CD247: variants seen among roughly 807,000 people sequenced by gnomAD.
The protein encoded by CD247 is CD247 molecule, also known as T-cell surface glycoprotein CD3 zeta chain.
A neutral mutation model predicts 30.0 loss-of-function variants in CD247; 13 were observed. The ratio of observed to expected loss-of-function variants is 0.43; its 90% CI spans 0.28 to 0.69. The LOEUF is 0.69. CD247 is among the 30% of genes least tolerant of loss of function. CD247 has a pLI of 0.16. For synonymous variants in CD247, 72 were observed against 80.0 expected (o/e 0.90, Z 0.53); for missense variants, 193 against 212.6 (o/e 0.91, Z 0.57).
At chr1:167,453,734 G>A (rs1435273763) in intron 1 of CD247, among the ~76,000 whole-genome samples, 1 of 152,224 alleles carries the variant, frequency 6.6e-6, no homozygotes. Context: ...TTGGGAGGCT[G>A]AAGCTGGAGG....
chr1:167,505,650 TAAC>T (rs1655084598), intron 1 of CD247, among the ~76,000 whole-genome samples: 1 of 152,222 alleles, frequency 6.6e-6, no homozygotes. Context: ...GCAAAAAATC[TAAC>T]AACAATGGCC....
At chr1:167,517,842 C>T (rs1335143513) in intron 1 of CD247, among the ~76,000 whole-genome samples, 2 of 152,180 alleles carry the variant, frequency 1.3e-5, no homozygotes, top group African/African-American at 2.4e-5. Context: ...GGCTGCCACC[C>T]GGTGCTTCCT....
At chr1:167,502,004 G>T (rs1654929538) in intron 1 of CD247, among the ~76,000 whole-genome samples, 1 of 152,222 alleles carries the variant, frequency 6.6e-6, no homozygotes, top group Admixed American at 6.5e-5. Context: ...CTCCCGAGAT[G>T]GGAGGCACCC....
At chr1:167,444,913 G>A (rs1386940230) in intron 1 of CD247, among the ~76,000 whole-genome samples, 1 of 151,976 alleles carries the variant, frequency 6.6e-6, no homozygotes, top group Admixed American at 6.6e-5. Context: ...AGATGGTGGT[G>A]AGGGTTAAAT....
intron 1 of CD247, among the ~76,000 whole-genome samples, chr1:167,497,634 G>A: frequency 6.6e-6 from 1 of 152,120 alleles, no homozygotes; most frequent in East Asian, 1.9e-4. Context: ...TAAGATATAG[G>A]ATGAGGATGC....
At chr1:167,433,303 A>T (rs1456781996) in intron 6 of CD247, among the ~76,000 whole-genome samples, 1 of 152,198 alleles carries the variant, frequency 6.6e-6, no homozygotes, top group Non-Finnish European at 1.5e-5. Context: ...ATCCTCACAG[A>T]CATCAGATTC....
chr1:167,463,733 T>C (rs1298116009), intron 1 of CD247, among the ~76,000 whole-genome samples: 2 of 152,218 alleles, frequency 1.3e-5, no homozygotes, highest in Non-Finnish European at 2.9e-5. Flanking sequence ...TAGAATTTGA[T>C]CTGGATCTAC....
intron 6 of CD247, 119 bp downstream of exon 6, chr1:167,433,901 G>T: frequency 1.1e-6 from 1 of 940,142 alleles, no homozygotes; most frequent in Non-Finnish European, 1.8e-6. Flanking sequence ...CACCTCTGAT[G>T]GCCACCACAT....
At chr1:167,439,274 G>T in intron 3 of CD247, 70 bp downstream of exon 3, 1 of 1,398,516 alleles carries the variant, frequency 7.2e-7, no homozygotes, top group Non-Finnish European at 1.0e-6. Context: ...GACTCTGGCG[G>T]GCGCGTTCCC....
rs142598955 is a variant in CD247 at position 167,443,771 on chromosome 1, C to T, written c.59-3004G>A. Among the ~76,000 whole-genome samples the T allele has an allele frequency of 6.3e-3, 957 of 152,118 alleles. 13 individuals are homozygous for T. Among genetic ancestry groups the T allele is most frequent in the African/African-American group, 0.022 (903 of 41,484 alleles). ...CCTTTCTTTCTGCATAGTTTTATGACTGATGACAAGTGTGCTGTGTGTGGT... is the reference window on the plus strand; with the variant it reads ...CCTTTCTTTCTGCATAGTTTTATGATTGATGACAAGTGTGCTGTGTGTGGT... On this transcript the variant is annotated intron_variant, in intron 1 of 7. Coordinates refer to ENST00000362089, the MANE Select transcript of CD247 (RefSeq NM_198053.3).
chr1:167,445,215 C>T (rs1030984184), intron 1 of CD247, among the ~76,000 whole-genome samples: 1 of 152,148 alleles, frequency 6.6e-6, no homozygotes, highest in Admixed American at 6.5e-5. Context: ...CATGAGCCAC[C>T]GTGCCTGGCC....
intron 1 of CD247, among the ~76,000 whole-genome samples, chr1:167,452,887 A>T (rs1181344610): frequency 1.3e-5 from 2 of 152,008 alleles, no homozygotes; most frequent in East Asian, 1.9e-4. Context: ...AGAGTGTAAG[A>T]TACACACACA....
At chr1:167,485,690 T>C (rs1445526536) in intron 1 of CD247, among the ~76,000 whole-genome samples, 1 of 151,954 alleles carries the variant, frequency 6.6e-6, no homozygotes, top group African/African-American at 2.4e-5. Flanking sequence ...GCCAGGGCAG[T>C]TGGGAGGTAA....
At chr1:167,489,398 G>A (rs754652439) in intron 1 of CD247, among the ~76,000 whole-genome samples, 1 of 152,126 alleles carries the variant, frequency 6.6e-6, no homozygotes, top group African/African-American at 2.4e-5. Flanking sequence ...CCTGCTTTGT[G>A]GGTAGGTGAC....
chr1:167,431,183 G>A lies in CD247; in HGVS notation c.*498C>T, dbSNP rs979057845. 14 of 419,016 alleles carry A rather than the reference G, an allele frequency of 3.3e-5. No individual in the cohort carries two copies. The highest frequency in any genetic ancestry group is 1.9e-4 in the South Asian group (2 of 10,478). The allele number at this position is 419,016 out of a possible 1,614,324, so 26.0% of individuals were successfully genotyped here. A position where few individuals can be genotyped will look rare whatever the true frequency, so the allele number is the denominator to read the frequency against. On this transcript the variant is annotated 3_prime_UTR_variant, in exon 8 of 8. Coordinates refer to ENST00000362089, the MANE Select transcript of CD247 (RefSeq NM_198053.3). ...CTCCTTTCCATCTGCCCCTCTGCCC[G>A]GCCCTCTCACCAGGGAGGCACAACA...
At chr1:167,470,906 C>G (rs1373623489) in intron 1 of CD247, among the ~76,000 whole-genome samples, 2 of 145,028 alleles carry the variant, frequency 1.4e-5, no homozygotes, top group Non-Finnish European at 3.0e-5. Context: ...GAGTCTCACT[C>G]TGTCACCCAG....
At chr1:167,509,369 C>CAAAAAA (rs35004744) in intron 1 of CD247, among the ~76,000 whole-genome samples, 65 of 63,482 alleles carry the variant, frequency 1.0e-3, no homozygotes, top group East Asian at 1.7e-3. Flanking sequence ...AACTCTGTCT[C>CAAAAAA]AAAAAAAAAA....
intron 4 of CD247, 48 bp downstream of exon 4, chr1:167,438,521 AG>A: frequency 6.9e-7 from 1 of 1,445,692 alleles, no homozygotes; most frequent in Non-Finnish European, 9.7e-7. Context: ...GCCTGGGCTG[AG>A]CCCCACCACA....
chr1:167,504,335 T>C (rs1571595808), intron 1 of CD247, among the ~76,000 whole-genome samples: 1 of 152,236 alleles, frequency 6.6e-6, no homozygotes, highest in Non-Finnish European at 1.5e-5. Context: ...TCTAGAAATG[T>C]GAGTACTTTG....
Sources: allele counts gnomAD v4.1 joint callset (sites outside exome capture counted in the v4.1 genomes callset), GRCh38; gene constraint gnomAD v4.1.1; transcripts MANE v1.5; gene names NCBI Gene and HGNC (gene_info 2026-07-23, HGNC 2026-07-21).